Variants in SBF1 observed in about 807,000 individuals in gnomAD.
The protein encoded by SBF1 is SET binding factor 1.
A neutral mutation model predicts 215.8 loss-of-function variants in SBF1; 65 were observed. The observed-to-expected ratio is 0.30, with a 90% CI of 0.25 to 0.37. The LOEUF is 0.37. Among genes scored for constraint, SBF1 ranks in the 10% least tolerant of loss-of-function variants. The pLI is 1.00. For synonymous variants in SBF1, 1,410 were observed against 1,122.8 expected (o/e 1.26, Z -5.11); for missense variants, 2,634 against 2,667.8 (o/e 0.99, Z 0.28).
intron 12 of SBF1, 41 bp downstream of exon 12, chr22:50,464,960 G>A (rs374187086): frequency 7.1e-5 from 115 of 1,613,746 alleles, no homozygotes; most frequent in Non-Finnish European, 9.5e-5. Flanking sequence ...TGGTCAGGCG[G>A]AGCCAGGGCA....
intron 31 of SBF1, 29 bp from the exon 32 acceptor site, chr22:50,455,611 G>C (rs778137788): frequency 3.9e-6 from 6 of 1,541,874 alleles, no homozygotes; most frequent in African/African-American, 1.4e-5. Flanking sequence ...TCAGCACCTC[G>C]GGGACCCACC....
intron 36 of SBF1, among the ~76,000 whole-genome samples, chr22:50,450,459 T>C (rs2067002716): frequency 6.6e-6 from 1 of 150,570 alleles, no homozygotes; most frequent in African/African-American, 2.5e-5. Flanking sequence ...AAGTGGAGGC[T>C]GCAGTGAGCC....
intron 38 of SBF1, 94 bp from the exon 39 acceptor site, chr22:50,447,703 G>A (rs2066888944): frequency 2.2e-6 from 2 of 917,260 alleles, no homozygotes; most frequent in African/African-American, 3.3e-5. Flanking sequence ...TCCCAGCCCA[G>A]GAGGTAAGAC....
chr22:50,466,971 T>C (rs1308994162), intron 5 of SBF1: 18 of 551,896 alleles, frequency 3.3e-5, no homozygotes, highest in South Asian at 1.5e-4. Context: ...AAACAAAGAA[T>C]CCATACCGCT....
Position 50,461,143 on chromosome 22 carries a change from G to T in SBF1, c.2967+16C>A, listed in dbSNP as rs369279620. ...AGGGCGGGGGATGAGAGCCCCACCCGCGCACCGCGCCCCACCTGGAATGTG... is the reference window on the plus strand; with the variant it reads ...AGGGCGGGGGATGAGAGCCCCACCCTCGCACCGCGCCCCACCTGGAATGTG... On this transcript the variant is annotated intron_variant, in intron 23 of 40. Coordinates refer to ENST00000380817, the MANE Select transcript of SBF1 (RefSeq NM_002972.4). 98 of 1,583,270 alleles carry T rather than the reference G, an allele frequency of 6.2e-5. No individual in the cohort carries two copies. The highest frequency in any genetic ancestry group is 7.8e-5 in the South Asian group (7 of 89,222).
At position 50,467,464 on chromosome 22, in the gene SBF1, C is replaced by G. The variant is rs763407090; in HGVS notation, c.439-16G>C. 1.9e-6 allele frequency: 3 copies of G among 1,613,802 alleles called. No homozygotes were observed. Among genetic ancestry groups the G allele is most frequent in the Middle Eastern group, 1.6e-4 (1 of 6,084 alleles). The stretch of plus-strand genomic sequence containing the variant: ...CAAGGCTGTTCTGCAATGACCAGAG[C>G]GGGGAGTGGTGGGACAGCCGATGGA... On this transcript the variant is annotated splice_polypyrimidine_tract_variant and intron_variant, in intron 4 of 40. Coordinates refer to ENST00000380817, the MANE Select transcript of SBF1 (RefSeq NM_002972.4).
rs1291992934 is a variant in SBF1 at position 50,465,812 on chromosome 22, T to G, written c.1040A>C (p.Asp347Ala). The G allele has an allele frequency of 2.5e-6, 4 of 1,611,862 alleles. No homozygotes were observed. The East Asian group carries it at 8.9e-5, about 36-fold the overall frequency. The change falls in exon 10 of 41, where the codon GAC becomes GCC. Residue 347 changes from aspartate to alanine, a missense_variant. Asp to Ala is a moderately radical substitution (Grantham distance 126). Coordinates refer to ENST00000380817, the MANE Select transcript of SBF1 (RefSeq NM_002972.4). The stretch of plus-strand genomic sequence containing the variant: ...TGTCGTGGGCGGAGGGAAGGCGAGG[T>G]CAGCCAACTCCAGCTCCGGGTCCAG... ...MVLDPELELA[D>A]LAFPPPTTST...
intron 15 of SBF1, 29 bp downstream of exon 15, chr22:50,464,300 G>C: frequency 6.3e-7 from 1 of 1,577,188 alleles, no homozygotes; most frequent in Non-Finnish European, 8.7e-7. Flanking sequence ...CCGCTGCCCT[G>C]GCCCGGCTGG....
chr22:50,451,558 G>A (rs918103955), intron 36 of SBF1, among the ~76,000 whole-genome samples: 2 of 152,114 alleles, frequency 1.3e-5, no homozygotes, highest in Admixed American at 6.5e-5. Context: ...ATTTATAGAA[G>A]CAATGGCTTG....
rs1485285396 is a variant in SBF1, at chr22:50,466,167, C to T, written c.880G>A (p.Ala294Thr). The stretch of plus-strand genomic sequence containing the variant: ...GCCCTTACCAGCTCCTGGGTCTCTG[C>T]CTGGAAGGCCGCGTTGACCCCAATG... Reference protein sequence around the residue: ...FIIGVNAAFQAETQELLDVIV... With the variant: ...FIIGVNAAFQTETQELLDVIV... Residue 294 changes from alanine (A) to threonine (T), a missense_variant, in exon 8 of 41, where the codon GCA (alanine) becomes ACA (threonine). Physicochemically the swap from Ala to Thr is moderately conservative, Grantham distance 58. Transcript: ENST00000380817. 1 of 1,613,580 alleles carries T rather than the reference C, an allele frequency of 6.2e-7. No individual in the cohort carries two copies. The highest frequency in any genetic ancestry group is 8.5e-7 in the Non-Finnish European group (1 of 1,180,036).
At position 50,447,041 on chromosome 22, in the gene SBF1, A is replaced by G; in HGVS notation, c.*101T>C. The G allele has an allele frequency of 9.4e-7, 1 of 1,063,876 alleles. No individual in the cohort carries two copies. Among genetic ancestry groups the G allele is most frequent in the Non-Finnish European group, 1.4e-6 (1 of 716,130 alleles). 65.9% of individuals were successfully genotyped at this position (1,063,876 alleles called of 1,614,324 possible). The stretch of plus-strand genomic sequence containing the variant: ...AGTGCTGGGGGCTCGGGGCCTCAAT[A>G]CTGTCGAGGGCCGGGGCTGTAAACA... On this transcript the variant is annotated 3_prime_UTR_variant, in exon 41 of 41. Transcript: ENST00000380817.
chr22:50,459,639 C>A lies in SBF1; in HGVS notation c.3519G>T (p.Gln1173His). The A allele has an allele frequency of 6.2e-7, 1 of 1,607,852 alleles. No homozygotes were observed. Among genetic ancestry groups the A allele is most frequent in the Non-Finnish European group, 8.5e-7 (1 of 1,178,090 alleles). The change falls in exon 27 of 41, where the codon CAG (glutamine) becomes CAT (histidine). Residue 1173 changes from glutamine to histidine, a missense_variant. Gln to His is a conservative substitution (Grantham distance 24, BLOSUM62 0). Coordinates refer to ENST00000380817, the MANE Select transcript of SBF1 (RefSeq NM_002972.4). ...GCTGCAGGGCGTTGTCCTGGACACTCTGGGGCACGATCAGCAGCCCTGGGT... is the reference window on the plus strand; with the variant it reads ...GCTGCAGGGCGTTGTCCTGGACACTATGGGGCACGATCAGCAGCCCTGGGT... ...RSYPGLLIVPQSVQDNALQRV... is the reference protein window; with the variant it reads ...RSYPGLLIVPHSVQDNALQRV...
intron 5 of SBF1, 70 bp from the exon 6 acceptor site, chr22:50,466,780 T>G (rs944577441): frequency 1.8e-6 from 2 of 1,126,826 alleles, no homozygotes; most frequent in Admixed American, 2.7e-5. Context: ...CAGAGCTCTG[T>G]GTCCCCAGGC....
At position 50,456,539 on chromosome 22, in the gene SBF1, G is replaced by T. The variant is rs758373154; in HGVS notation, c.4039C>A (p.Pro1347Thr). 6 of 1,590,860 alleles carry T rather than the reference G, an allele frequency of 3.8e-6. No individual in the cohort carries two copies. In the African/African-American group the frequency reaches 4.0e-5, roughly 11 times the overall value. ...AGGATATAGAGGGCTGCTCGCTGCG[G>T]ACGCAGGAAGCCCGGGTCGGGAGGG... The part of the protein sequence containing the change: ...GGPPDPGFLR[P>T]QRAALYILGD... The change falls in exon 30 of 41, where the codon CCG becomes ACG. Residue 1347 changes from proline to threonine, a missense_variant. Coordinates refer to ENST00000380817, the MANE Select transcript of SBF1 (RefSeq NM_002972.4).
In SBF1 at chr22:50,466,472, G is replaced by A. The variant is rs756648227; in HGVS notation, c.666C>T (p.Asn222=). The A allele has an allele frequency of 1.2e-5, 19 of 1,547,510 alleles. No individual in the cohort carries two copies. Among genetic ancestry groups the A allele is most frequent in the African/African-American group, 6.9e-5 (5 of 72,964 alleles). ...ALLFRQLGIT[N]VLSLFCAALT... ...GGGCGGCACAGAACAAAGACAGCAC[G>A]TTGGTGATGCCTAAAGGAAGAAGAG... The change falls in exon 7 of 41, where the codon AAC becomes AAT. Residue 222 remains asparagine (N), a synonymous_variant. Transcript: ENST00000380817.
Position 50,448,577 on chromosome 22 carries a change from G to A in SBF1, c.5117C>T (p.Ala1706Val), listed in dbSNP as rs1313433618. The change falls in exon 37 of 41, where the codon GCT becomes GTT. Residue 1706 changes from alanine (A) to valine (V), a missense_variant. By Grantham distance (64) the Ala-to-Val change is moderately conservative. Coordinates refer to ENST00000380817, the MANE Select transcript of SBF1 (RefSeq NM_002972.4). ...TGGCCGGCCCTCGAGGCGCTGTGCA[G>A]CCTTCACCCGGTCCCAGGTGTCCTT... Reference protein sequence around the residue: ...RWKDTWDRVKAAQRLEGRPDG... With the variant: ...RWKDTWDRVKVAQRLEGRPDG... 1.2e-5 allele frequency: 20 copies of A among 1,611,970 alleles called. No homozygotes were observed. The highest frequency in any genetic ancestry group is 2.2e-5 in the East Asian group (1 of 44,896).
rs748035212 is a variant in SBF1 at position 50,455,296 on chromosome 22, T to C, written c.4482A>G (p.Gly1494=). 2.5e-6 allele frequency: 4 copies of C among 1,613,472 alleles called. No individual in the cohort carries two copies. The highest frequency in any genetic ancestry group is 3.4e-6 in the Non-Finnish European group (4 of 1,179,914). The part of the protein sequence containing the change: ...LSFGHRFSHR[G]AHTLAGQSSG... ...TGCTCTGCCCGGCCAGGGTGTGAGC[T>C]CCACGGTGGCTGAAGCGATGGCCGA... is the stretch of plus-strand genomic sequence containing the variant. Residue 1494 remains glycine, a synonymous_variant, in exon 33 of 41, where the codon GGA becomes GGG. Transcript: ENST00000380817.
In SBF1 at chr22:50,460,732, C is replaced by T. The variant is rs1457951258; in HGVS notation, c.2968-20G>A. 5 of 1,604,404 alleles carry T rather than the reference C, an allele frequency of 3.1e-6. No homozygotes were observed. The highest frequency in any genetic ancestry group is 1.3e-5 in the African/African-American group (1 of 74,874). ...CAGCAGCTGTGTCAGTAAAAGCAGC[C>T]CTTAGGGGTGTGGGTGGCCCCCCAG... On this transcript the variant is annotated intron_variant, in intron 23 of 40. Coordinates refer to ENST00000380817, the MANE Select transcript of SBF1 (RefSeq NM_002972.4).
chr22:50,469,743 C>T (rs1246931468), intron 1 of SBF1, among the ~76,000 whole-genome samples: 1 of 152,050 alleles, frequency 6.6e-6, no homozygotes, highest in African/African-American at 2.4e-5. Context: ...CTCATGGACC[C>T]CCCACCCCGG....
Sources: allele counts gnomAD v4.1 joint callset (sites outside exome capture counted in the v4.1 genomes callset), GRCh38; gene constraint gnomAD v4.1.1; transcripts MANE v1.5; gene names NCBI Gene and HGNC (gene_info 2026-07-23, HGNC 2026-07-21).